The following TUBGCP2 variants were observed in gnomAD, a reference collection of about 807,000 sequenced individuals.
The protein encoded by TUBGCP2 is gamma-tubulin complex component 2.
In TUBGCP2, 55 loss-of-function variants were observed where a neutral mutation model predicts 92.2. That is an observed-to-expected ratio of 0.60 (90% CI 0.48 to 0.75). The LOEUF (loss-of-function observed/expected upper bound fraction) is 0.75, where lower values mean the gene tolerates loss of function less well. Ranked by LOEUF, TUBGCP2 falls within the 30% of genes least tolerant of loss-of-function variation. The pLI is 0.00. For missense variants in TUBGCP2, 1,093 were observed against 1,188.9 expected (o/e 0.92, Z 1.19); for synonymous variants, 533 against 505.2 (o/e 1.06, Z -0.74).
At chr10:133,306,321 A>G (rs931012160) in intron 1 of TUBGCP2, among the ~76,000 whole-genome samples, 4 of 152,170 alleles carry the variant, frequency 2.6e-5, no homozygotes, top group South Asian at 4.1e-4. Flanking sequence ...TTTCACCCAC[A>G]TTCTACTCGG....
intron 8 of TUBGCP2, chr10:133,290,492 A>G (rs1169687049): frequency 6.8e-6 from 1 of 147,034 alleles, no homozygotes; most frequent in Non-Finnish European, 1.5e-5. Flanking sequence ...ACTCTGCCTC[A>G]AAAAAAAAAA....
At chr10:133,303,897 T>G (rs1259626535) in intron 1 of TUBGCP2, among the ~76,000 whole-genome samples, 1 of 152,132 alleles carries the variant, frequency 6.6e-6, no homozygotes, top group Non-Finnish European at 1.5e-5. Flanking sequence ...GACACCCAAG[T>G]GGGCAGCAGA....
At position 133,300,093 on chromosome 10, in the gene TUBGCP2, A is replaced by C. The variant is rs1847606151; in HGVS notation, c.171T>G (p.Ser57=). 2.5e-6 allele frequency: 4 copies of C among 1,613,772 alleles called. No homozygotes were observed. Among genetic ancestry groups the C allele is most frequent in the Admixed American group, 1.7e-5 (1 of 59,950 alleles). ...HSAKVKIAEF[S]RTPEDFLKKY... is the part of the protein sequence containing the mutation. ...TCTTTAGAAAGTCTTCTGGAGTACG[A>C]GAAAACTCTGCAATTTTAACCTCAA... The change falls in exon 3 of 18, where the codon TCT becomes TCG. Residue 57 remains serine (S), a synonymous_variant. Coordinates refer to ENST00000252936, the MANE Select transcript of TUBGCP2 (RefSeq NM_006659.4).
chr10:133,311,228 C>T (rs1847982363), upstream of TUBGCP2, among the ~76,000 whole-genome samples: 1 of 152,178 alleles, frequency 6.6e-6, no homozygotes, highest in African/African-American at 2.4e-5. Flanking sequence ...GTAATTTGCT[C>T]TTTAAAATAA....
chr10:133,297,431 A>G (rs1847515326), intron 5 of TUBGCP2: 2 of 452,092 alleles, frequency 4.4e-6, no homozygotes, highest in Non-Finnish European at 4.4e-6. Context: ...ATAAAAATGT[A>G]CCCATGAATT....
At chr10:133,288,007 CA>C in intron 11 of TUBGCP2, 121 bp downstream of exon 11, 2 of 1,322,032 alleles carry the variant, frequency 1.5e-6, no homozygotes, top group South Asian at 3.2e-5. Flanking sequence ...GTGAAGGAAA[CA>C]GACCCTGCGG....
rs1054608209 is a variant in TUBGCP2 at position 133,302,771 on chromosome 10, T to C, written c.150+21A>G. 5 of 1,611,920 alleles carry C rather than the reference T, an allele frequency of 3.1e-6. No individual in the cohort carries two copies. The African/African-American group carries it at 5.3e-5, about 17-fold the overall frequency. On this transcript the variant is annotated intron_variant, in intron 2 of 17. Coordinates refer to ENST00000252936, the MANE Select transcript of TUBGCP2 (RefSeq NM_006659.4). ...GAACAGTGCTCACCCTGCACAGCGC[T>C]ACACCAAGGGCAGTGCTCACCTTGG...
chr10:133,312,168 T>A (rs535859506), upstream of TUBGCP2: 1,409 of 1,418,402 alleles, frequency 9.9e-4, 1 homozygote, highest in Non-Finnish European at 8.6e-4. Context: ...TAGCATCACC[T>A]GTGCCGTCTG....
At chr10:133,297,844 TC>T (rs1217655810) in intron 5 of TUBGCP2, 107 bp downstream of exon 5, 11 of 1,511,680 alleles carry the variant, frequency 7.3e-6, no homozygotes, top group South Asian at 6.5e-5. Context: ...CTGCAAAGTG[TC>T]CTGCCCAGAG....
intron 1 of TUBGCP2, among the ~76,000 whole-genome samples, chr10:133,306,175 GACA>G (rs1043401352): frequency 6.6e-6 from 1 of 152,202 alleles, no homozygotes; most frequent in Non-Finnish European, 1.5e-5. Flanking sequence ...CCCAATCACT[GACA>G]ACATCTTAAA....
intron 11 of TUBGCP2, among the ~76,000 whole-genome samples, chr10:133,287,751 A>G (rs1847166911): frequency 6.6e-6 from 1 of 152,106 alleles, no homozygotes; most frequent in Non-Finnish European, 1.5e-5. Flanking sequence ...CAAAAAAAAA[A>G]ACAAAAAACA....
In TUBGCP2 at chr10:133,300,040, G is replaced by A; in HGVS notation, c.224C>T (p.Thr75Ile). Residue 75 changes from threonine (T) to isoleucine (I), a missense_variant, in exon 3 of 18, where the codon ACA becomes ATA. Physicochemically the swap from Thr to Ile is moderately conservative, Grantham distance 89. Transcript: ENST00000252936. Reference protein sequence around the residue: ...KKYDELKSKNTRNLDPLVYLL... With the variant: ...KKYDELKSKNIRNLDPLVYLL... ...GTACACCAGCGGGTCAAGGTTCCTT[G>A]TATTTTTAGATTTCAGTTCATCATA... 6.2e-7 allele frequency: 1 copy of A among 1,614,114 alleles called. No individual in the cohort carries two copies. The highest frequency in any genetic ancestry group is 8.5e-7 in the Non-Finnish European group (1 of 1,180,018).
rs1388996514 is a variant in TUBGCP2 at position 133,281,340 on chromosome 10, G to A, written c.2506C>T (p.Leu836Phe). Residue 836 changes from leucine to phenylalanine, a missense_variant, in exon 17 of 18, where the codon CTC (leucine) becomes TTC (phenylalanine). Transcript: ENST00000252936. ...DKNFSAHLLDLLARLSIYSTS... is the reference protein window; with the variant it reads ...DKNFSAHLLDFLARLSIYSTS... ...CTATAGATGCTCAGCCGGGCCAGGA[G>A]GTCCAGCAGGTGGGCTGAGAAGTTC... The A allele has an allele frequency of 2.5e-6, 4 of 1,613,706 alleles. No individual in the cohort carries two copies. Among genetic ancestry groups the A allele is most frequent in the Non-Finnish European group, 3.4e-6 (4 of 1,180,014 alleles).
At chr10:133,299,277 CCTCT>C (rs1258805405) in intron 4 of TUBGCP2, 146 bp downstream of exon 4, 37 of 612,054 alleles carry the variant, frequency 6.0e-5, no homozygotes, top group East Asian at 6.2e-5. Context: ...TAAGCCTTGG[CCTCT>C]CTAAGGGATT....
At chr10:133,306,496 A>T (rs1321273961) in intron 1 of TUBGCP2, among the ~76,000 whole-genome samples, 3 of 152,208 alleles carry the variant, frequency 2.0e-5, no homozygotes, top group African/African-American at 7.2e-5. Context: ...GTATTTATTT[A>T]AAAACTACAT....
chr10:133,299,148 G>A (rs1399193056), intron 4 of TUBGCP2, among the ~76,000 whole-genome samples: 1 of 152,122 alleles, frequency 6.6e-6, no homozygotes, highest in East Asian at 1.9e-4. Context: ...AGAGTCACGT[G>A]GCCACCTGGC....
chr10:133,282,948 C>G, intron 15 of TUBGCP2, 130 bp downstream of exon 15: 1 of 1,308,900 alleles, frequency 7.6e-7, no homozygotes, highest in Non-Finnish European at 1.0e-6. Flanking sequence ...TCTGGAAACA[C>G]TCAGATCCCA....
At chr10:133,309,051 C>T, upstream of TUBGCP2, 1 of 1,280,432 alleles carries the variant, frequency 7.8e-7, no homozygotes, top group Non-Finnish European at 9.9e-7. Context: ...CCTTTCGCTT[C>T]GTTGCGCGCC....
At chr10:133,297,088 G>T (rs1210075909) in intron 5 of TUBGCP2, among the ~76,000 whole-genome samples, 1 of 152,138 alleles carries the variant, frequency 6.6e-6, no homozygotes, top group African/African-American at 2.4e-5. Context: ...CTTAGTTTGT[G>T]AAATCTCATT....
Sources: allele counts gnomAD v4.1 joint callset (sites outside exome capture counted in the v4.1 genomes callset), GRCh38; gene constraint gnomAD v4.1.1; transcripts MANE v1.5; gene names NCBI Gene and HGNC (gene_info 2026-07-23, HGNC 2026-07-21).